LYN: variants seen among roughly 807,000 people sequenced by gnomAD.
The protein encoded by LYN is LYN proto-oncogene, Src family tyrosine kinase.
LYN carries 12 observed loss-of-function variants against 65.0 expected under a neutral mutation model. The ratio of observed to expected loss-of-function variants is 0.18; its 90% CI spans 0.12 to 0.30. The LOEUF is 0.30. Ranked by LOEUF, LYN falls within the 10% of genes least tolerant of loss-of-function variation. LYN has a pLI of 1.00. For synonymous variants in LYN, 222 were observed against 221.2 expected, an observed-to-expected ratio of 1.00 and a Z score of -0.03; for missense variants, 380 against 623.2, an observed-to-expected ratio of 0.61 and a Z score of 4.16.
chr8:55,981,081 A>G (rs1807904662), intron 10 of LYN, among the ~76,000 whole-genome samples: 1 of 151,760 alleles, frequency 6.6e-6, no homozygotes, highest in African/African-American at 2.4e-5. Context: ...TGTGCATGTG[A>G]CTGATTCCTC....
At chr8:55,994,628 G>A (rs554821506) in intron 10 of LYN, among the ~76,000 whole-genome samples, 6 of 152,260 alleles carry the variant, frequency 3.9e-5, no homozygotes, top group South Asian at 2.1e-4. Flanking sequence ...GATCAACAGC[G>A]TTGGGAGAGG....
At chr8:55,927,842 GA>G (rs112991976) in intron 1 of LYN, among the ~76,000 whole-genome samples, 17,112 of 148,214 alleles carry the variant, frequency 0.12, 1,237 homozygotes, top group Middle Eastern at 0.29. Flanking sequence ...TCCCAAGGGG[GA>G]AAAAAAAAAG....
intron 1 of LYN, among the ~76,000 whole-genome samples, chr8:55,931,491 T>G (rs1365235636): frequency 1.3e-5 from 2 of 151,712 alleles, no homozygotes; most frequent in African/African-American, 4.8e-5. Context: ...ATAAGGTATA[T>G]ATGATGGGAA....
intron 10 of LYN, among the ~76,000 whole-genome samples, chr8:55,984,208 G>C (rs375835961): frequency 6.6e-6 from 1 of 152,050 alleles, no homozygotes; most frequent in Admixed American, 6.6e-5. Flanking sequence ...TCCAAATAAG[G>C]CCACATTCTG....
chr8:55,948,963 G>A (rs973098439), intron 4 of LYN, among the ~76,000 whole-genome samples: 1 of 152,158 alleles, frequency 6.6e-6, no homozygotes, highest in Non-Finnish European at 1.5e-5. Flanking sequence ...CTGTCTGTGT[G>A]TGGAATTTAT....
intron 10 of LYN, among the ~76,000 whole-genome samples, chr8:55,997,885 C>A (rs1229216530): frequency 6.6e-6 from 1 of 152,230 alleles, no homozygotes; most frequent in South Asian, 2.1e-4. Flanking sequence ...GAGATCGAGA[C>A]CATCCTGGCT....
intron 10 of LYN, among the ~76,000 whole-genome samples, chr8:55,994,488 TG>T (rs1673916895): frequency 1.3e-5 from 2 of 152,314 alleles, no homozygotes; most frequent in Admixed American, 6.5e-5. Flanking sequence ...AAATGCGGGA[TG>T]TGGGTAGGTG....
At chr8:55,993,647 A>G (rs761838069) in intron 10 of LYN, among the ~76,000 whole-genome samples, 2 of 152,218 alleles carry the variant, frequency 1.3e-5, no homozygotes, top group Non-Finnish European at 2.9e-5. Flanking sequence ...TCAATTTGCT[A>G]TTAAGATGAA....
At chr8:55,923,973 G>A (rs182858436) in intron 1 of LYN, among the ~76,000 whole-genome samples, 201 of 151,830 alleles carry the variant, frequency 1.3e-3, no homozygotes, top group African/African-American at 4.5e-3. Context: ...AATGGGATGT[G>A]TACACCCTGC....
intron 8 of LYN, chr8:55,955,410 GT>G (rs1807079151): frequency 6.6e-6 from 1 of 152,196 alleles, no homozygotes; most frequent in Non-Finnish European, 1.5e-5. Flanking sequence ...CAGGTCCTCA[GT>G]TTCTGTTCCA....
At chr8:55,949,444 C>A (rs1434831373) in intron 4 of LYN, among the ~76,000 whole-genome samples, 4 of 152,258 alleles carry the variant, frequency 2.6e-5, no homozygotes, top group Non-Finnish European at 4.4e-5. Flanking sequence ...AATTTTCCCA[C>A]TGGATTCTGG....
rs35305537 is a variant in LYN, at chr8:55,977,751, C to CAAA, written c.1050+7975_1050+7977dup. Among the ~76,000 whole-genome samples the CAAA allele has an allele frequency of 1.6e-3, 191 of 117,598 alleles. 1 individual carries two copies. Among genetic ancestry groups the CAAA allele is most frequent in the South Asian group, 6.6e-3 (23 of 3,504 alleles). 77.1% of individuals were successfully genotyped at this position (117,598 alleles called of 152,430 possible). A position where few individuals can be genotyped will look rare whatever the true frequency, so the allele number is the denominator to read the frequency against. On this transcript the variant is annotated intron_variant, in intron 10 of 12. Transcript: ENST00000519728. ...AACACAGTGAGACTCCTATCTCTACCAAAAAAAAAAAAAAAAAAATTAGCC... is the reference window on the plus strand; with the variant it reads ...AACACAGTGAGACTCCTATCTCTACCAAAAAAAAAAAAAAAAAAAAAATTAGCC...
chr8:55,957,187 A>C (rs56337639), intron 8 of LYN, among the ~76,000 whole-genome samples: 1 of 133,696 alleles, frequency 7.5e-6, no homozygotes, highest in Non-Finnish European at 1.6e-5. Flanking sequence ...ACAAACTCCA[A>C]TCTTCAGTTG....
intron 10 of LYN, among the ~76,000 whole-genome samples, chr8:55,976,636 G>A (rs550098770): frequency 2.6e-5 from 4 of 152,258 alleles, no homozygotes; most frequent in Admixed American, 2.0e-4. Flanking sequence ...AGTGGGCACC[G>A]CATGCTACTT....
At chr8:55,933,320 G>A (rs922600010) in intron 1 of LYN, among the ~76,000 whole-genome samples, 1 of 152,182 alleles carries the variant, frequency 6.6e-6, no homozygotes, top group Non-Finnish European at 1.5e-5. Flanking sequence ...CTTTGGTGAT[G>A]TGAATTTTGA....
chr8:55,918,026 T>C (rs1056414129), intron 1 of LYN, among the ~76,000 whole-genome samples: 1 of 152,222 alleles, frequency 6.6e-6, no homozygotes, highest in African/African-American at 2.4e-5. Flanking sequence ...CTGCACAAAA[T>C]TGAATGAAGA....
chr8:56,004,329 C>A (rs552700617), intron 12 of LYN, among the ~76,000 whole-genome samples: 2 of 148,482 alleles, frequency 1.3e-5, no homozygotes, highest in African/African-American at 5.0e-5. Flanking sequence ...AGTCTCGCTC[C>A]GTCACCCAGG....
chr8:55,967,000 A>T (rs986229631), intron 9 of LYN, 103 bp downstream of exon 9: 1 of 1,073,260 alleles, frequency 9.3e-7, no homozygotes, highest in African/African-American at 1.6e-5. Context: ...ATCAAACAGT[A>T]TACCCACTAC....
intron 1 of LYN, among the ~76,000 whole-genome samples, chr8:55,881,548 T>G (rs1343119301): frequency 6.6e-6 from 1 of 152,196 alleles, no homozygotes; most frequent in Non-Finnish European, 1.5e-5. Flanking sequence ...CTGAATAAAT[T>G]TCACTGGATC....
Sources: gnomAD v4.1 joint callset for allele counts (sites outside exome capture counted in the v4.1 genomes callset) on GRCh38, gnomAD v4.1.1 for gene constraint, MANE v1.5 for transcripts, NCBI Gene and HGNC (gene_info 2026-07-23, HGNC 2026-07-21) for gene names.